The following PITPNM2 variants were observed in gnomAD, a reference collection of about 807,000 sequenced individuals.
The protein encoded by PITPNM2 is phosphatidylinositol transfer protein membrane associated 2.
PITPNM2 carries 35 observed loss-of-function variants against 132.2 expected under a neutral mutation model. The observed-to-expected ratio is 0.26, with a 90% CI of 0.20 to 0.35. The LOEUF (loss-of-function observed/expected upper bound fraction) is 0.35. Among genes scored for constraint, PITPNM2 ranks in the 10% least tolerant of loss-of-function variants. The pLI is 1.00. For synonymous variants in PITPNM2, 738 were observed against 799.2 expected (o/e 0.92, Z 1.29); for missense variants, 1,332 against 1,912.0 (o/e 0.70, Z 5.66).
rs972170821 is a variant in PITPNM2 at position 123,012,821 on chromosome 12, G to C, written c.294-87C>G. ...GGGCCTGTTGACCCACTGGGTAGGA[G>C]TGGAGCTGGTGAGCGGGCATGGAAG... On this transcript the variant is annotated intron_variant, in intron 4 of 25. Transcript: ENST00000320201. The C allele has an allele frequency of 2.0e-5, 31 of 1,535,468 alleles. No homozygotes were observed. In the African/African-American group the frequency reaches 4.2e-4, roughly 21 times the overall value.
intron 3 of PITPNM2, among the ~76,000 whole-genome samples, chr12:123,020,636 C>T (rs561618739): frequency 6.6e-6 from 1 of 152,254 alleles, no homozygotes; most frequent in African/African-American, 2.4e-5. Context: ...CCTCTGTGCT[C>T]AGCAGGTAGG....
chr12:123,076,864 C>T (rs1036721357), intron 2 of PITPNM2, among the ~76,000 whole-genome samples: 1 of 152,180 alleles, frequency 6.6e-6, no homozygotes, highest in Non-Finnish European at 1.5e-5. Flanking sequence ...TTGGCCCTCA[C>T]TTTCCATCAA....
chr12:123,114,719 A>C (rs1453809178), intron 1 of PITPNM2, among the ~76,000 whole-genome samples: 1 of 152,036 alleles, frequency 6.6e-6, no homozygotes, highest in African/African-American at 2.4e-5. Flanking sequence ...TTCCCTATCT[A>C]AAAAAGAAAG....
intron 2 of PITPNM2, among the ~76,000 whole-genome samples, chr12:123,096,417 T>A (rs1289387602): frequency 6.6e-6 from 1 of 152,190 alleles, no homozygotes; most frequent in Non-Finnish European, 1.5e-5. Context: ...CTTGCCAGCT[T>A]ACCGACTTCA....
Position 122,992,383 on chromosome 12 carries a change from G to T in PITPNM2, c.2404+116C>A. On this transcript the variant is annotated intron_variant, in intron 16 of 25. Coordinates refer to ENST00000320201, the MANE Select transcript of PITPNM2 (RefSeq NM_020845.3). This position sits in a 1 kb window ranked among gnomAD's most constrained non-coding sequence, Gnocchi z 6.5. Reference sequence around the variant, plus strand: ...GCTGTCCACCTCCAAGAGGCATTCAGCACAAGCTGTCCCTCTCACCTGGGG... The same window carrying T: ...GCTGTCCACCTCCAAGAGGCATTCATCACAAGCTGTCCCTCTCACCTGGGG... 8.3e-7 allele frequency: 1 copy of T among 1,209,768 alleles called. No homozygotes were observed. Among genetic ancestry groups the T allele is most frequent in the Non-Finnish European group, 1.1e-6 (1 of 893,204 alleles). 74.9% of individuals were successfully genotyped at this position (1,209,768 alleles called of 1,614,324 possible). A position where few individuals can be genotyped will look rare whatever the true frequency, so the allele number is the denominator to read the frequency against.
chr12:123,149,942 G>A (rs2043693493), intron 1 of PITPNM2: 2 of 152,306 alleles, frequency 1.3e-5, no homozygotes, highest in Admixed American at 6.5e-5. Context: ...TGTTTGGAGA[G>A]GCACCCAGCC....
At chr12:122,986,591 G>A (rs2136034358) in intron 24 of PITPNM2, 27 bp from the exon 25 acceptor site, 1 of 1,598,642 alleles carries the variant, frequency 6.3e-7, no homozygotes, top group East Asian at 2.2e-5. Context: ...ATGGGCACAG[G>A]CACCATGGTC....
At position 123,132,633 on chromosome 12, in the gene PITPNM2, T is replaced by C. The variant is rs141048348; in HGVS notation, c.-200+18120A>G. ...CTATCCACTTCCAGAGCATTTTCATTATCCCAACCAGAAGCTTTGTACTCA... is the reference window on the plus strand; with the variant it reads ...CTATCCACTTCCAGAGCATTTTCATCATCCCAACCAGAAGCTTTGTACTCA... On this transcript the variant is annotated intron_variant, in intron 1 of 25. Transcript: ENST00000320201. 3.3e-5 allele frequency among the ~76,000 whole-genome samples: 5 copies of C among 152,138 alleles called. No homozygotes were observed. The East Asian group carries it at 9.6e-4, about 29-fold the overall frequency.
At chr12:123,143,017 G>A (rs1030363826) in intron 1 of PITPNM2, among the ~76,000 whole-genome samples, 2 of 152,270 alleles carry the variant, frequency 1.3e-5, no homozygotes, top group South Asian at 2.1e-4. Flanking sequence ...TGTTAAGCAC[G>A]CATCCACACC....
chr12:122,999,689 TG>T (rs1244057172), intron 10 of PITPNM2, among the ~76,000 whole-genome samples: 1 of 152,142 alleles, frequency 6.6e-6, no homozygotes, highest in Non-Finnish European at 1.5e-5. Context: ...TGGCCTGCCC[TG>T]GGCTCTAGTT....
chr12:123,148,347 T>G (rs1368458705), intron 1 of PITPNM2, among the ~76,000 whole-genome samples: 1 of 152,228 alleles, frequency 6.6e-6, no homozygotes, highest in East Asian at 1.9e-4. Flanking sequence ...TGGCTCCTCC[T>G]GCCCATGGCC....
chr12:123,125,875 T>TG (rs1429857671), intron 1 of PITPNM2, among the ~76,000 whole-genome samples: 4 of 101,260 alleles, frequency 4.0e-5, no homozygotes, highest in Non-Finnish European at 8.7e-5. Context: ...TTTTTTTTTT[T>TG]TTTTTTTTTT....
At chr12:123,049,317 C>G (rs757475537) in intron 2 of PITPNM2, among the ~76,000 whole-genome samples, 3 of 152,190 alleles carry the variant, frequency 2.0e-5, no homozygotes, top group Non-Finnish European at 4.4e-5. Flanking sequence ...CTTGTCTCCT[C>G]CCGATCCTGT....
chr12:123,039,733 T>C (rs2040395946), intron 2 of PITPNM2, among the ~76,000 whole-genome samples: 2 of 152,168 alleles, frequency 1.3e-5, no homozygotes, highest in African/African-American at 2.4e-5. Context: ...TGCAGGCTCA[T>C]TCATTGTAAC....
chr12:123,071,862 C>T (rs1056748816), intron 2 of PITPNM2, among the ~76,000 whole-genome samples: 1 of 152,180 alleles, frequency 6.6e-6, no homozygotes, highest in Non-Finnish European at 1.5e-5. Flanking sequence ...TATATGACTA[C>T]CAAGTTTTGC....
rs2040815563 is a variant in PITPNM2, at chr12:123,050,263, G to C, written c.-95-15578C>G. ...TATGGCAATGCCAGGCAGCCCAAAT[G>C]CCCTTAGTATAACTACCACCTCCTC... On this transcript the variant is annotated intron_variant, in intron 2 of 25. Transcript: ENST00000320201. Among the ~76,000 whole-genome samples the C allele has an allele frequency of 1.3e-5, 2 of 152,306 alleles. 1 individual carries two copies. The highest frequency in any genetic ancestry group is 4.1e-4 in the South Asian group (2 of 4,824).
At chr12:123,114,474 C>G (rs1566299374) in intron 1 of PITPNM2, among the ~76,000 whole-genome samples, 1 of 149,032 alleles carries the variant, frequency 6.7e-6, no homozygotes, top group Non-Finnish European at 1.5e-5. Context: ...GCAACTAGAT[C>G]AGGCCGGAAT....
At chr12:123,033,096 T>G (rs181040403) in intron 3 of PITPNM2, among the ~76,000 whole-genome samples, 1 of 152,318 alleles carries the variant, frequency 6.6e-6, no homozygotes, top group Non-Finnish European at 1.5e-5. Context: ...GCTGAAGCCT[T>G]TCCCCCACAC....
In PITPNM2 at chr12:122,987,388, G is replaced by C. The variant is rs925678202; in HGVS notation, c.3306C>G (p.Pro1102=). The change falls in exon 23 of 26, where the codon CCC becomes CCG. Residue 1102 remains proline (P), a synonymous_variant. Transcript: ENST00000320201. ...TFADSYITVL[P]KGTEFVVFSI... Reference sequence around the variant, plus strand: ...TGAAGACCACGAACTCTGTGCCCTTGGGCAGCACGGTGATGTAGCTGTCGG... The same window carrying C: ...TGAAGACCACGAACTCTGTGCCCTTCGGCAGCACGGTGATGTAGCTGTCGG... 1.9e-6 allele frequency: 3 copies of C among 1,613,684 alleles called. No individual in the cohort carries two copies. In the African/African-American group the frequency reaches 4.0e-5, roughly 22 times the overall value.
Sources: allele counts gnomAD v4.1 joint callset (sites outside exome capture counted in the v4.1 genomes callset), GRCh38; gene constraint gnomAD v4.1.1; non-coding constraint Gnocchi (gnomAD v3.1); transcripts MANE v1.5; gene names NCBI Gene and HGNC (gene_info 2026-07-23, HGNC 2026-07-21).